GGA2: variants seen among roughly 807,000 people sequenced by gnomAD.
GGA2 encodes the protein ADP-ribosylation factor-binding protein GGA2.
In GGA2, 48 loss-of-function variants were observed where a neutral mutation model predicts 79.5. The observed-to-expected ratio is 0.60, with a 90% CI of 0.48 to 0.77. The LOEUF is 0.77. Among genes scored for constraint, GGA2 ranks in the 30% least tolerant of loss-of-function variants. The pLI, the probability that GGA2 is intolerant of heterozygous loss-of-function variation, is 0.00. For synonymous variants in GGA2, 317 were observed against 302.0 expected (o/e 1.05, Z -0.51); for missense variants, 770 against 774.0 (o/e 0.99, Z 0.06).
intron 1 of GGA2, among the ~76,000 whole-genome samples, chr16:23,499,985 G>C (rs917889008): frequency 1.2e-4 from 19 of 152,254 alleles, no homozygotes; most frequent in South Asian, 6.2e-4. Flanking sequence ...AACCAGGAGA[G>C]AGCTCTGGTG....
chr16:23,494,155 AT>A, intron 3 of GGA2, 147 bp downstream of exon 3: 2 of 645,188 alleles, frequency 3.1e-6, no homozygotes, highest in South Asian at 3.7e-5. Flanking sequence ...CCTGGCCCAG[AT>A]CTCCCTCCTC....
intron 14 of GGA2, among the ~76,000 whole-genome samples, chr16:23,471,071 C>T (rs553762303): frequency 4.6e-4 from 70 of 152,036 alleles, no homozygotes; most frequent in African/African-American, 5.8e-4. Flanking sequence ...AAACTCCCGA[C>T]CTCAGGTGAT....
upstream of GGA2, among the ~76,000 whole-genome samples, chr16:23,513,566 T>C (rs1455868252): frequency 6.6e-6 from 1 of 152,002 alleles, no homozygotes; most frequent in African/African-American, 2.4e-5. Context: ...TGCAGATCAC[T>C]TGGGTCCAGG....
intron 1 of GGA2, among the ~76,000 whole-genome samples, chr16:23,520,413 C>A (rs1185780239): frequency 6.6e-6 from 1 of 152,078 alleles, no homozygotes; most frequent in Non-Finnish European, 1.5e-5. Context: ...ATCTAGACAG[C>A]CTCTGTGCCC....
chr16:23,467,614 G>T lies in GGA2; in HGVS notation c.1818C>A (p.Asp606Glu). Residue 606 changes from aspartate to glutamate, a missense_variant, in exon 17 of 17, where the codon GAC becomes GAA. Physicochemically the swap from Asp to Glu is conservative, Grantham distance 45 (BLOSUM62 2). Transcript: ENST00000309859. ...SEVGEVKDFP[D>E]LAVLGAA is the part of the protein sequence containing the mutation. ...GTTAGGCTGCGCCCAAGACAGCCAG[G>T]TCTGGGAAGTCTTTCACTTCTCCTA... 1 of 1,591,212 alleles carries T rather than the reference G, an allele frequency of 6.3e-7. No individual in the cohort carries two copies. The highest frequency in any genetic ancestry group is 8.6e-7 in the Non-Finnish European group (1 of 1,159,452).
intron 1 of GGA2, among the ~76,000 whole-genome samples, chr16:23,499,652 C>T (rs1191698463): frequency 2.6e-5 from 4 of 151,850 alleles, no homozygotes; most frequent in Non-Finnish European, 5.9e-5. Context: ...CGAGTAGGGA[C>T]GGGGTTTCAC....
In GGA2 at chr16:23,464,962, ACAGAGG is replaced by A; in HGVS notation, c.*2622_*2627del. On this transcript the variant is annotated 3_prime_UTR_variant, in exon 17 of 17. Coordinates refer to ENST00000309859, the MANE Select transcript of GGA2 (RefSeq NM_015044.4). ...TCTGGAAAACCATCACACTTAAGAG[ACAGAGG>A]AAAAAGAGCAGTCACGGAGGTAGGT... The A allele has an allele frequency of 4.1e-6, 1 of 242,518 alleles. No individual in the cohort carries two copies. The allele number at this position is 242,518 out of a possible 1,614,324, so 15.0% of individuals were successfully genotyped here. A position where few individuals can be genotyped will look rare whatever the true frequency, so the allele number is the denominator to read the frequency against.
Position 23,464,667 on chromosome 16 carries a change from C to T in GGA2, c.*2923G>A, listed in dbSNP as rs558207039. The T allele has an allele frequency of 6.6e-6, 1 of 152,328 alleles. No individual in the cohort carries two copies. 9.4% of individuals were successfully genotyped at this position (152,328 alleles called of 1,614,324 possible). On this transcript the variant is annotated 3_prime_UTR_variant, in exon 17 of 17. Coordinates refer to ENST00000309859, the MANE Select transcript of GGA2 (RefSeq NM_015044.4). The stretch of plus-strand genomic sequence containing the variant: ...CATGCAACTACTCTGCGGATACAGA[C>T]GAAGCAGGAATCAGGGACCCAATAA...
chr16:23,486,194 C>T lies in GGA2; in HGVS notation c.661-42G>A, dbSNP rs1022250015. The stretch of plus-strand genomic sequence containing the variant: ...GAGGATGGGAGTGAGGGAGCAGAAA[C>T]CCTGGCTGAAGCCTGAACAAGGGAT... On this transcript the variant is annotated intron_variant, in intron 7 of 16. Coordinates refer to ENST00000309859, the MANE Select transcript of GGA2 (RefSeq NM_015044.4). 1.9e-6 allele frequency: 3 copies of T among 1,599,988 alleles called. No homozygotes were observed. In the Admixed American group the frequency reaches 5.0e-5, roughly 27 times the overall value.
In GGA2 at chr16:23,467,552, A is replaced by G. The variant is rs372657289; in HGVS notation, c.*38T>C. ...CTGACTAGACAGCAAAAGTAACGCC[A>G]GCCTAAGCTTGAAATGAAGGGTCCA... On this transcript the variant is annotated 3_prime_UTR_variant, in exon 17 of 17. Transcript: ENST00000309859. 9 of 1,027,810 alleles carry G rather than the reference A, an allele frequency of 8.8e-6. No individual in the cohort carries two copies. The highest frequency in any genetic ancestry group is 1.4e-5 in the Non-Finnish European group (9 of 651,548). 63.7% of individuals were successfully genotyped at this position (1,027,810 alleles called of 1,614,324 possible).
upstream of GGA2, among the ~76,000 whole-genome samples, chr16:23,513,095 G>A (rs1006582319): frequency 1.3e-5 from 2 of 152,100 alleles, no homozygotes; most frequent in Non-Finnish European, 2.9e-5. Context: ...ACAAAACCTG[G>A]ACGTGACTAG....
chr16:23,504,936 C>G (rs2142142852), intron 1 of GGA2, among the ~76,000 whole-genome samples: 1 of 152,246 alleles, frequency 6.6e-6, no homozygotes, highest in Non-Finnish European at 1.5e-5. Context: ...ATGGCTCATC[C>G]AAGAGTGACT....
At chr16:23,506,087 C>G (rs1479249739) in intron 1 of GGA2, among the ~76,000 whole-genome samples, 1 of 152,120 alleles carries the variant, frequency 6.6e-6, no homozygotes, top group South Asian at 2.1e-4. Context: ...TTGATTCTCT[C>G]AACAACCCTA....
At chr16:23,511,176 G>C (rs891126997), upstream of GGA2, among the ~76,000 whole-genome samples, 14 of 151,560 alleles carry the variant, frequency 9.2e-5, no homozygotes, top group Admixed American at 7.9e-4. Flanking sequence ...TTTTTGAGAC[G>C]GAGTCTCACT....
At chr16:23,522,765 G>A (rs1965159774), upstream of GGA2, 1 of 152,190 alleles carries the variant, frequency 6.6e-6, no homozygotes, top group Non-Finnish European at 1.5e-5. Flanking sequence ...GTTCATGTGT[G>A]TCTGACGTTC....
Position 23,478,422 on chromosome 16 carries a change from G to C in GGA2, c.1238C>G (p.Ser413Cys), listed in dbSNP as rs750044053. 12 of 1,611,766 alleles carry C rather than the reference G, an allele frequency of 7.4e-6. No individual in the cohort carries two copies. Among genetic ancestry groups the C allele is most frequent in the Non-Finnish European group, 1.0e-5 (12 of 1,178,354 alleles). Residue 413 changes from serine (S) to cysteine (C), a missense_variant, in exon 13 of 17, where the codon TCT (serine) becomes TGT (cysteine). Transcript: ENST00000309859. ...TLPGGGVQNP[S>C]ADRNLLDLLS... The stretch of plus-strand genomic sequence containing the variant: ...GAGGTCCAGCAAATTCCTGTCTGCA[G>C]AAGGGTTCTGAACACCACCGCCTGG...
intron 14 of GGA2, among the ~76,000 whole-genome samples, chr16:23,473,356 T>A (rs67653354): frequency 2.1e-5 from 3 of 140,402 alleles, no homozygotes; most frequent in Non-Finnish European, 3.0e-5. Context: ...TTTTTTTTTT[T>A]AGACAGAGTC....
chr16:23,512,893 C>T (rs965294441), upstream of GGA2, among the ~76,000 whole-genome samples: 1 of 151,830 alleles, frequency 6.6e-6, no homozygotes, highest in East Asian at 1.9e-4. Context: ...TTAGTAGAGA[C>T]AGCGTTTCAC....
chr16:23,515,832 T>C (rs1965099691), intron 2 of GGA2, among the ~76,000 whole-genome samples: 1 of 152,144 alleles, frequency 6.6e-6, no homozygotes, highest in African/African-American at 2.4e-5. Context: ...CTTTTCAGCT[T>C]ATCTATCAAT....
Sources: gnomAD v4.1 joint callset for allele counts (sites outside exome capture counted in the v4.1 genomes callset) on GRCh38, gnomAD v4.1.1 for gene constraint, MANE v1.5 for transcripts, NCBI Gene and HGNC (gene_info 2026-07-23, HGNC 2026-07-21) for gene names.